Variants in DOCK3 observed in about 807,000 individuals in gnomAD.
DOCK3 encodes the protein dedicator of cytokinesis 3, also known as dedicator of cytokinesis protein 3.
DOCK3 carries 60 observed loss-of-function variants against 265.6 expected under a neutral mutation model. That is an observed-to-expected ratio of 0.23 (90% CI 0.18 to 0.28). The LOEUF (loss-of-function observed/expected upper bound fraction) is 0.28. Ranked by LOEUF, DOCK3 falls within the 10% of genes least tolerant of loss-of-function variation. The pLI, the probability that DOCK3 is intolerant of heterozygous loss-of-function variation, is 1.00. For missense variants in DOCK3, 1,981 were observed against 2,594.3 expected (o/e 0.76, Z 5.14); for synonymous variants, 881 against 938.0 (o/e 0.94, Z 1.11).
At chr3:50,782,880 C>G (rs986939539) in intron 2 of DOCK3, among the ~76,000 whole-genome samples, 1 of 151,530 alleles carries the variant, frequency 6.6e-6, no homozygotes, top group African/African-American at 2.4e-5. Flanking sequence ...TAAGTGAGAA[C>G]ATATGATGTT....
At chr3:50,856,289 A>T (rs902230548) in intron 3 of DOCK3, among the ~76,000 whole-genome samples, 4 of 152,210 alleles carry the variant, frequency 2.6e-5, no homozygotes, top group Non-Finnish European at 5.9e-5. Flanking sequence ...GAACTAATTT[A>T]CACTCCCACT....
intron 15 of DOCK3, among the ~76,000 whole-genome samples, chr3:51,226,589 A>G (rs2090335556): frequency 6.6e-6 from 1 of 152,242 alleles, no homozygotes; most frequent in African/African-American, 2.4e-5. Context: ...TTAAAAACTT[A>G]ACTCAAAAAC....
intron 2 of DOCK3, among the ~76,000 whole-genome samples, chr3:50,822,985 G>A (rs575563558): frequency 6.6e-6 from 1 of 152,190 alleles, no homozygotes; most frequent in South Asian, 2.1e-4. Flanking sequence ...ACTGATTTGT[G>A]TTTGAATATT....
chr3:51,014,294 T>G lies in DOCK3; in HGVS notation c.316-50154T>G, dbSNP rs561676060. ...CCAGAGCTGTTCCTATTTGGCCATC[T>G]TGGAATGGAGCACCTTCATCATTTC... On this transcript the variant is annotated intron_variant, in intron 5 of 52. Coordinates refer to ENST00000266037, the MANE Select transcript of DOCK3 (RefSeq NM_004947.5). 4.3e-4 allele frequency among the ~76,000 whole-genome samples: 66 copies of G among 152,050 alleles called. No homozygotes were observed. The Middle Eastern group carries it at 0.01, about 24-fold the overall frequency.
chr3:51,332,651 G>A (rs528053720), intron 33 of DOCK3, among the ~76,000 whole-genome samples: 56 of 152,242 alleles, frequency 3.7e-4, no homozygotes, highest in African/African-American at 1.1e-3. Context: ...GCCAGACTGG[G>A]CAACATAGCA....
intron 27 of DOCK3, among the ~76,000 whole-genome samples, chr3:51,297,733 G>T (rs960426778): frequency 2.6e-5 from 4 of 151,998 alleles, no homozygotes; most frequent in African/African-American, 9.7e-5. Context: ...TCAGGAGTTG[G>T]AGACAAGCCT....
At position 50,890,080 on chromosome 3, in the gene DOCK3, G is replaced by T. The variant is rs1364063499; in HGVS notation, c.217G>T (p.Gly73Trp). 1.4e-6 allele frequency: 2 copies of T among 1,432,926 alleles called. No homozygotes were observed. Among genetic ancestry groups the T allele is most frequent in the Non-Finnish European group, 1.8e-6 (2 of 1,104,416 alleles). 88.8% of individuals were successfully genotyped at this position (1,432,926 alleles called of 1,614,324 possible). ...HLKKAIVSNR[G>W]QYETVVPLED... Reference sequence around the variant, plus strand: ...GAAAAAGGCAATTGTCAGTAATAGGGGGTGAGTAATTGGCCTTACTAAATT... The same window carrying T: ...GAAAAAGGCAATTGTCAGTAATAGGTGGTGAGTAATTGGCCTTACTAAATT... Residue 73 changes from glycine to tryptophan, a missense_variant and splice_region_variant, in exon 4 of 53, where the codon GGG becomes TGG. Physicochemically the swap from Gly to Trp is radical, Grantham distance 184 (BLOSUM62 -2). This residue lies in a region of DOCK3 where 456 missense variants were observed against 539.0 expected (regional missense o/e 0.85). Coordinates refer to ENST00000266037, the MANE Select transcript of DOCK3 (RefSeq NM_004947.5).
chr3:50,679,140 TAAAA>T (rs532906217), intron 1 of DOCK3, among the ~76,000 whole-genome samples: 73 of 152,108 alleles, frequency 4.8e-4, no homozygotes, highest in African/African-American at 1.7e-3. Flanking sequence ...AAATTTTAAT[TAAAA>T]AAAATTTTTT....
chr3:50,790,473 C>CTTT (rs35664807), intron 2 of DOCK3, among the ~76,000 whole-genome samples: 80 of 131,960 alleles, frequency 6.1e-4, no homozygotes, highest in East Asian at 1.4e-3. Flanking sequence ...ATATTTAGAG[C>CTTT]TTTTTTTTTT....
rs192732563 is a variant in DOCK3 at position 51,332,605 on chromosome 3, C to T, written c.3489-396C>T. Among the ~76,000 whole-genome samples, 17 of 152,078 alleles carry T rather than the reference C, an allele frequency of 1.1e-4. No individual in the cohort carries two copies. The East Asian group carries it at 2.7e-3, about 24-fold the overall frequency. ...CCATAATCCAAGCACTTTGGGAGGT[C>T]GAGGCAGGAGAATCACTTGAGGCTA... On this transcript the variant is annotated intron_variant, in intron 33 of 52. Coordinates refer to ENST00000266037, the MANE Select transcript of DOCK3 (RefSeq NM_004947.5).
intron 3 of DOCK3, among the ~76,000 whole-genome samples, chr3:50,843,408 G>T (rs2045934418): frequency 6.6e-6 from 1 of 151,964 alleles, no homozygotes; most frequent in Non-Finnish European, 1.5e-5. Flanking sequence ...GTAGTCTCGG[G>T]GTTTCTCTAT....
chr3:50,719,966 G>A (rs1361620385), intron 1 of DOCK3: 1 of 417,662 alleles, frequency 2.4e-6, no homozygotes, highest in East Asian at 5.0e-5. Context: ...GTTCTGGGTA[G>A]TGTCGTTGTC....
intron 20 of DOCK3, 40 bp from the exon 21 acceptor site, chr3:51,237,450 C>T (rs1188462432): frequency 6.5e-7 from 1 of 1,546,608 alleles, no homozygotes; most frequent in South Asian, 1.1e-5. Flanking sequence ...GATCTGAGGC[C>T]TCCAGTGAAC....
intron 4 of DOCK3, chr3:50,901,735 A>C: frequency 8.8e-6 from 4 of 452,276 alleles, no homozygotes; most frequent in South Asian, 6.3e-5. Flanking sequence ...GAATTCCCTG[A>C]CCCTCTTGCT....
intron 7 of DOCK3, among the ~76,000 whole-genome samples, chr3:51,088,957 A>C (rs2082531764): frequency 6.6e-6 from 1 of 152,144 alleles, no homozygotes; most frequent in African/African-American, 2.4e-5. Flanking sequence ...AAAATTTAGT[A>C]CCAGGCACCG....
At chr3:51,136,234 CTT>C (rs753725852) in intron 9 of DOCK3, among the ~76,000 whole-genome samples, 19 of 143,880 alleles carry the variant, frequency 1.3e-4, no homozygotes, top group Admixed American at 1.4e-4. Flanking sequence ...CCCCCGCCAC[CTT>C]TTTTTTTTTT....
chr3:51,034,768 G>T (rs919518930), intron 5 of DOCK3, among the ~76,000 whole-genome samples: 2 of 152,040 alleles, frequency 1.3e-5, no homozygotes, highest in Admixed American at 6.6e-5. Context: ...ATTTCTTTTA[G>T]TGTGAGTTTG....
At chr3:51,127,288 T>C (rs1411676344) in intron 9 of DOCK3, among the ~76,000 whole-genome samples, 2 of 152,122 alleles carry the variant, frequency 1.3e-5, no homozygotes, top group South Asian at 2.1e-4. Context: ...CTCACAGACA[T>C]ACCACGATCA....
At position 51,098,413 on chromosome 3, in the gene DOCK3, C is replaced by G. The variant is rs77730862; in HGVS notation, c.746+8029C>G. 7.9e-3 allele frequency among the ~76,000 whole-genome samples: 1,206 copies of G among 152,246 alleles called. 9 individuals are homozygous for G. The highest frequency in any genetic ancestry group is 0.014 in the Middle Eastern group (4 of 294). On this transcript the variant is annotated intron_variant, in intron 9 of 52. Transcript: ENST00000266037. ...CAGCATTCAGGATACCTTGCATAAACTAAACTTTTTCTTGAAAATCAGTTG... is the reference window on the plus strand; with the variant it reads ...CAGCATTCAGGATACCTTGCATAAAGTAAACTTTTTCTTGAAAATCAGTTG...
Sources: gnomAD v4.1 joint callset for allele counts (sites outside exome capture counted in the v4.1 genomes callset) on GRCh38, gnomAD v4.1.1 for gene constraint, gnomAD v4.1.1 regional missense constraint, MANE v1.5 for transcripts, NCBI Gene and HGNC (gene_info 2026-07-23, HGNC 2026-07-21) for gene names.